Variants in RIMS1 observed in about 807,000 individuals in gnomAD.
The protein encoded by RIMS1 is regulating synaptic membrane exocytosis protein 1.
Under a neutral mutation model 214.1 loss-of-function variants are expected in RIMS1, and 83 were observed. The observed-to-expected ratio is 0.39, with a 90% confidence interval of 0.32 to 0.47. RIMS1 has a LOEUF of 0.47. Ranked by LOEUF, RIMS1 falls within the 20% of genes least tolerant of loss-of-function variation. The pLI, the probability that RIMS1 is intolerant of heterozygous loss-of-function variation, is 0.99. For synonymous variants in RIMS1, 793 were observed against 786.8 expected (o/e 1.01, Z -0.13); for missense variants, 2,050 against 2,161.8 (o/e 0.95, Z 1.03).
At chr6:72,210,851 G>A (rs2053680050) in intron 6 of RIMS1, among the ~76,000 whole-genome samples, 1 of 152,128 alleles carries the variant, frequency 6.6e-6, no homozygotes, top group South Asian at 2.1e-4. Flanking sequence ...CCAGTGCTTA[G>A]TATAGTTGAT....
At chr6:72,127,397 G>T (rs1187883829) in intron 4 of RIMS1, among the ~76,000 whole-genome samples, 1 of 151,992 alleles carries the variant, frequency 6.6e-6, no homozygotes, top group Non-Finnish European at 1.5e-5. Context: ...TAAAAACTGT[G>T]CAGTGTACAT....
At chr6:72,006,381 A>T (rs1283239984) in intron 2 of RIMS1, among the ~76,000 whole-genome samples, 4 of 152,224 alleles carry the variant, frequency 2.6e-5, no homozygotes, top group Non-Finnish European at 4.4e-5. Context: ...GAACAGCTCC[A>T]GTCTACAGCT....
At chr6:72,026,678 A>G (rs1249303136) in intron 2 of RIMS1, among the ~76,000 whole-genome samples, 1 of 152,064 alleles carries the variant, frequency 6.6e-6, no homozygotes, top group African/African-American at 2.4e-5. Flanking sequence ...TGAAAACCTT[A>G]TCTAATCAAC....
intron 2 of RIMS1, among the ~76,000 whole-genome samples, chr6:72,078,699 C>T (rs1178648317): frequency 6.6e-6 from 1 of 151,946 alleles, no homozygotes; most frequent in Non-Finnish European, 1.5e-5. Context: ...CAAACAAAAA[C>T]AATGCTCCTT....
At chr6:72,342,612 G>A (rs934115197) in intron 29 of RIMS1, among the ~76,000 whole-genome samples, 6 of 147,410 alleles carry the variant, frequency 4.1e-5, no homozygotes, top group African/African-American at 1.5e-4. Flanking sequence ...TGAGGGAGTA[G>A]TAAGAGTAAG....
At chr6:72,388,960 A>G (rs2098658666) in intron 29 of RIMS1, among the ~76,000 whole-genome samples, 1 of 152,160 alleles carries the variant, frequency 6.6e-6, no homozygotes, top group Admixed American at 6.5e-5. Context: ...TTTATGGGAA[A>G]GGTTAAGACC....
intron 28 of RIMS1, among the ~76,000 whole-genome samples, chr6:72,327,680 T>C (rs1289415291): frequency 6.6e-6 from 1 of 151,814 alleles, no homozygotes; most frequent in Non-Finnish European, 1.5e-5. Context: ...ACCTTTGTTA[T>C]TGTCTATTTT....
At chr6:71,973,775 T>C (rs1455012057) in intron 2 of RIMS1, among the ~76,000 whole-genome samples, 1 of 152,082 alleles carries the variant, frequency 6.6e-6, no homozygotes, top group East Asian at 1.9e-4. Flanking sequence ...CCGGCATACC[T>C]CCAAGGGCCA....
intron 6 of RIMS1, among the ~76,000 whole-genome samples, chr6:72,184,463 G>A (rs1009545887): frequency 4.6e-5 from 7 of 152,166 alleles, no homozygotes; most frequent in African/African-American, 1.4e-4. Flanking sequence ...TAAAAATGCA[G>A]CTTTTATGTG....
intron 1 of RIMS1, among the ~76,000 whole-genome samples, chr6:71,894,461 TA>T (rs778099832): frequency 3.3e-5 from 5 of 151,758 alleles, no homozygotes; most frequent in Non-Finnish European, 7.4e-5. Context: ...AAAAAGGAAA[TA>T]AGGTATTCTC....
intron 4 of RIMS1, among the ~76,000 whole-genome samples, chr6:72,152,758 T>G: frequency 7.4e-6 from 1 of 135,070 alleles, no homozygotes; most frequent in African/African-American, 2.8e-5. Flanking sequence ...TATGTATATA[T>G]ATGGAATATA....
intron 9 of RIMS1, among the ~76,000 whole-genome samples, chr6:72,241,794 G>T (rs975034050): frequency 6.6e-6 from 1 of 152,120 alleles, no homozygotes; most frequent in African/African-American, 2.4e-5. Flanking sequence ...TTTTTATTCT[G>T]TTGTGCATCT....
At chr6:72,017,583 A>T (rs1813184605) in intron 2 of RIMS1, among the ~76,000 whole-genome samples, 1 of 152,366 alleles carries the variant, frequency 6.6e-6, no homozygotes, top group Admixed American at 6.5e-5. Flanking sequence ...TTATTTAAAA[A>T]TATTTCAGAG....
chr6:71,916,612 A>G (rs758480344), intron 1 of RIMS1, among the ~76,000 whole-genome samples: 1 of 152,146 alleles, frequency 6.6e-6, no homozygotes, highest in Non-Finnish European at 1.5e-5. Flanking sequence ...TGAGTATATA[A>G]TTAATTTTGT....
chr6:72,109,746 C>T (rs1157519437), intron 4 of RIMS1, among the ~76,000 whole-genome samples: 3 of 152,058 alleles, frequency 2.0e-5, no homozygotes, highest in Non-Finnish European at 4.4e-5. Flanking sequence ...TTGCCATTGC[C>T]TTTGGTGTTT....
chr6:71,923,208 C>T (rs1780542128), intron 1 of RIMS1, among the ~76,000 whole-genome samples: 1 of 152,192 alleles, frequency 6.6e-6, no homozygotes, highest in Non-Finnish European at 1.5e-5. Context: ...TTCACAACTT[C>T]TTTAGAGTTC....
At chr6:72,180,769 C>A (rs1190493736) in intron 5 of RIMS1, among the ~76,000 whole-genome samples, 2 of 152,148 alleles carry the variant, frequency 1.3e-5, no homozygotes, top group African/African-American at 2.4e-5. Context: ...TATGTGTAAC[C>A]ATTACTTGGA....
intron 2 of RIMS1, among the ~76,000 whole-genome samples, chr6:72,010,432 C>T (rs1405443842): frequency 6.6e-6 from 1 of 152,166 alleles, no homozygotes; most frequent in South Asian, 2.1e-4. Flanking sequence ...GACAGGGATG[C>T]CCTCTCTCAC....
At chr6:72,217,868 T>G (rs2056848721) in intron 6 of RIMS1, among the ~76,000 whole-genome samples, 1 of 152,138 alleles carries the variant, frequency 6.6e-6, no homozygotes, top group South Asian at 2.1e-4. Flanking sequence ...CATCAGAGAT[T>G]TGGGTGTGTG....
Sources: allele counts gnomAD v4.1 joint callset (sites outside exome capture counted in the v4.1 genomes callset), GRCh38; gene constraint gnomAD v4.1.1; transcripts MANE v1.5; gene names NCBI Gene and HGNC (gene_info 2026-07-23, HGNC 2026-07-21).